Variants in CDC42BPB observed in about 807,000 individuals in gnomAD.
CDC42BPB encodes the protein CDC42 binding protein kinase beta, also known as serine/threonine-protein kinase MRCK beta.
Under a neutral mutation model 214.9 loss-of-function variants are expected in CDC42BPB, and 37 were observed. The ratio of observed to expected loss-of-function variants is 0.17; its 90% CI spans 0.13 to 0.23. The LOEUF is 0.23. Ranked by LOEUF, CDC42BPB falls within the 10% of genes least tolerant of loss-of-function variation. The pLI, the probability that CDC42BPB is intolerant of heterozygous loss-of-function variation, is 1.00. For synonymous variants in CDC42BPB, 931 were observed against 884.0 expected (o/e 1.05, Z -0.94); for missense variants, 1,694 against 2,227.0 (o/e 0.76, Z 4.82).
At chr14:102,966,412 T>A in intron 17 of CDC42BPB, 25 bp from the exon 18 acceptor site, 2 of 1,611,118 alleles carry the variant, frequency 1.2e-6, no homozygotes, top group Non-Finnish European at 1.7e-6. Context: ...AGATGTTCTA[T>A]CTCACGAAGC....
At chr14:103,012,289 AGTTT>A in intron 1 of CDC42BPB, 101 bp from the exon 2 acceptor site, 1 of 1,473,028 alleles carries the variant, frequency 6.8e-7, no homozygotes, top group African/African-American at 1.4e-5. Flanking sequence ...CTTTTAAAAA[AGTTT>A]GTTTGAAAAT....
chr14:103,007,020 T>C (rs1056122039), intron 3 of CDC42BPB, among the ~76,000 whole-genome samples: 3 of 152,134 alleles, frequency 2.0e-5, no homozygotes, highest in Non-Finnish European at 4.4e-5. Context: ...CTGCTGGGGC[T>C]GAGGGCAGGC....
chr14:103,005,417 T>C (rs1365637052), intron 3 of CDC42BPB, among the ~76,000 whole-genome samples: 2 of 152,170 alleles, frequency 1.3e-5, no homozygotes, highest in African/African-American at 4.8e-5. Context: ...TTTAAAAAGT[T>C]TTCCTTTCAG....
chr14:103,046,383 A>G (rs1472143079), intron 1 of CDC42BPB, among the ~76,000 whole-genome samples: 1 of 152,300 alleles, frequency 6.6e-6, no homozygotes, highest in East Asian at 1.9e-4. Context: ...CTATGCATAC[A>G]GGGAGTTTCC....
intron 5 of CDC42BPB, among the ~76,000 whole-genome samples, chr14:102,993,889 T>G (rs1894607677): frequency 1.3e-5 from 2 of 152,194 alleles, no homozygotes; most frequent in South Asian, 4.1e-4. Flanking sequence ...TGGAACAAAC[T>G]GGTTCTTCTC....
At chr14:103,036,090 G>A (rs570238009) in intron 1 of CDC42BPB, among the ~76,000 whole-genome samples, 5 of 151,880 alleles carry the variant, frequency 3.3e-5, no homozygotes, top group Non-Finnish European at 7.4e-5. Flanking sequence ...GGTCAAGGCT[G>A]CAGTGAGCCA....
intron 6 of CDC42BPB, among the ~76,000 whole-genome samples, chr14:102,985,663 T>C (rs1302288251): frequency 6.6e-6 from 1 of 152,272 alleles, no homozygotes; most frequent in South Asian, 2.1e-4. Context: ...CTTCCACTAC[T>C]GCTTGAAAAT....
intron 36 of CDC42BPB, among the ~76,000 whole-genome samples, chr14:102,935,117 C>G (rs1165824153): frequency 6.6e-6 from 1 of 151,796 alleles, no homozygotes; most frequent in Admixed American, 6.6e-5. Context: ...CTAGGCAGAG[C>G]GATCAGGGAA....
intron 5 of CDC42BPB, among the ~76,000 whole-genome samples, chr14:102,993,403 A>C (rs963962706): frequency 1.3e-4 from 20 of 152,210 alleles, no homozygotes; most frequent in Non-Finnish European, 4.4e-5. Context: ...GGCCAAGAGC[A>C]CGTCTATTAA....
At chr14:103,051,297 A>G (rs780039559) in intron 1 of CDC42BPB, among the ~76,000 whole-genome samples, 17 of 152,124 alleles carry the variant, frequency 1.1e-4, no homozygotes, top group Non-Finnish European at 2.5e-4. Context: ...TAAGGTAACC[A>G]TAACATACCG....
intron 24 of CDC42BPB, among the ~76,000 whole-genome samples, chr14:102,951,877 T>G (rs1163353944): frequency 6.6e-6 from 1 of 152,146 alleles, no homozygotes; most frequent in Non-Finnish European, 1.5e-5. Flanking sequence ...AATTTGACAG[T>G]GGAAGGTTTT....
intron 9 of CDC42BPB, among the ~76,000 whole-genome samples, chr14:102,977,347 A>AG (rs1367686461): frequency 5.4e-5 from 8 of 148,950 alleles, no homozygotes; most frequent in Non-Finnish European, 1.0e-4. Flanking sequence ...TCCAAAAAAA[A>AG]AAAAAAAAAA....
rs1427386882 is a variant in CDC42BPB at position 102,939,901 on chromosome 14, C to T, written c.4638G>A (p.Gln1546=). The T allele has an allele frequency of 6.2e-7, 1 of 1,614,062 alleles. No homozygotes were observed. The highest frequency in any genetic ancestry group is 8.5e-7 in the Non-Finnish European group (1 of 1,180,050). ...GCCTTTTGCTCCTGGTGCGCAGCAT[C>T]TGCTTCTTGCTGTTGTCGGAGGTGT... is the stretch of plus-strand genomic sequence containing the variant. ...VPDTSDNSKK[Q]MLRTRSKRRF... is the part of the protein sequence containing the mutation. Residue 1546 remains glutamine (Q), a synonymous_variant, in exon 33 of 37, where the codon CAG becomes CAA. Transcript: ENST00000361246.
chr14:102,954,147 TAAAC>T, intron 23 of CDC42BPB, 47 bp downstream of exon 23: 1 of 1,177,292 alleles, frequency 8.5e-7, no homozygotes, highest in Non-Finnish European at 1.2e-6. Flanking sequence ...TGAGAATAAA[TAAAC>T]AACTAAATAA....
chr14:103,035,623 G>C lies in CDC42BPB; in HGVS notation c.175+21376C>G, dbSNP rs541622291. Among the ~76,000 whole-genome samples, 4 of 152,060 alleles carry C rather than the reference G, an allele frequency of 2.6e-5. No individual in the cohort carries two copies. The South Asian group carries it at 8.3e-4, about 32-fold the overall frequency. On this transcript the variant is annotated intron_variant, in intron 1 of 36. Coordinates refer to ENST00000361246, the MANE Select transcript of CDC42BPB (RefSeq NM_006035.4). ...TGGGAGGCCAAGGTGGGTGGATCACGAGGTCAGGAGATTGAGACCATCCTG... is the reference window on the plus strand; with the variant it reads ...TGGGAGGCCAAGGTGGGTGGATCACCAGGTCAGGAGATTGAGACCATCCTG...
In CDC42BPB at chr14:102,944,657, A is replaced by G; in HGVS notation, c.3812-170T>C. The G allele has an allele frequency of 3.6e-5, 35 of 985,290 alleles. No individual in the cohort carries two copies. The highest frequency in any genetic ancestry group is 4.2e-5 in the Non-Finnish European group (35 of 829,876). 61.0% of individuals were successfully genotyped at this position (985,290 alleles called of 1,614,324 possible). On this transcript the variant is annotated intron_variant, in intron 29 of 36. Coordinates refer to ENST00000361246, the MANE Select transcript of CDC42BPB (RefSeq NM_006035.4). The surrounding 1 kb of genome is among the most constrained non-coding windows in gnomAD (Gnocchi z 6.6). ...TGAGCCCGTCTCTGCCCACAGAGCC[A>G]GTGGCTTGAACGCCCCCCGGAGAAG...
intron 21 of CDC42BPB, 49 bp from the exon 22 acceptor site, chr14:102,954,737 T>C: frequency 6.4e-7 from 1 of 1,573,582 alleles, no homozygotes; most frequent in Non-Finnish European, 8.7e-7. Context: ...ATATTCTACA[T>C]GATCCAGACT....
chr14:102,945,591 G>A (rs1227078192), intron 29 of CDC42BPB, 71 bp downstream of exon 29: 9 of 1,357,208 alleles, frequency 6.6e-6, no homozygotes, highest in Non-Finnish European at 8.4e-6. Context: ...AGGAGCTACT[G>A]ACCCTGTGCT....
At chr14:103,030,498 C>T (rs1401795736) in intron 1 of CDC42BPB, among the ~76,000 whole-genome samples, 1 of 152,030 alleles carries the variant, frequency 6.6e-6, no homozygotes, top group Non-Finnish European at 1.5e-5. Context: ...GAGATCAAGA[C>T]CAGCCTGGCC....
Sources: gnomAD v4.1 joint callset for allele counts (sites outside exome capture counted in the v4.1 genomes callset) on GRCh38, gnomAD v4.1.1 for gene constraint, Gnocchi (gnomAD v3.1) non-coding constraint, MANE v1.5 for transcripts, NCBI Gene and HGNC (gene_info 2026-07-23, HGNC 2026-07-21) for gene names.